Variants in ADAMTS2 observed in about 807,000 individuals in gnomAD.
The protein encoded by ADAMTS2 is ADAM metallopeptidase with thrombospondin type 1 motif 2.
In ADAMTS2, 50 loss-of-function variants were observed where a neutral mutation model predicts 123.0. The ratio of observed to expected loss-of-function variants is 0.41; its 90% confidence interval spans 0.32 to 0.51. The LOEUF (loss-of-function observed/expected upper bound fraction) is 0.51, where lower values mean the gene tolerates loss of function less well. Ranked by LOEUF, ADAMTS2 falls within the 20% of genes least tolerant of loss-of-function variation. The pLI, the probability that ADAMTS2 is intolerant of heterozygous loss-of-function variation, is 0.35. For missense variants in ADAMTS2, 1,494 were observed against 1,705.2 expected, an observed-to-expected ratio of 0.88 and a Z score of 2.18; for synonymous variants, 678 against 695.4, an observed-to-expected ratio of 0.98 and a Z score of 0.39.
chr5:179,196,456 A>G (rs1764433221), intron 4 of ADAMTS2, among the ~76,000 whole-genome samples: 1 of 152,106 alleles, frequency 6.6e-6, no homozygotes. Flanking sequence ...CAGCTGGGAG[A>G]GACTATTCTG....
At chr5:179,270,039 C>T (rs769417528) in intron 3 of ADAMTS2, among the ~76,000 whole-genome samples, 2 of 152,298 alleles carry the variant, frequency 1.3e-5, no homozygotes, top group African/African-American at 4.8e-5. Context: ...CATCCTCTCC[C>T]GGGTGTTGCC....
intron 10 of ADAMTS2, among the ~76,000 whole-genome samples, chr5:179,147,716 G>A (rs1487830793): frequency 6.6e-6 from 1 of 152,022 alleles, no homozygotes; most frequent in Non-Finnish European, 1.5e-5. Flanking sequence ...ACAGAATCAT[G>A]GCAATAAGCC....
In ADAMTS2 at chr5:179,180,981, G is replaced by T; in HGVS notation, c.975+91C>A. The stretch of plus-strand genomic sequence containing the variant: ...GAGAGGCAGGGTGGTTCTGGCAAAC[G>T]CACACACTCTCCAAGGAGGCCCATG... On this transcript the variant is annotated intron_variant, in intron 5 of 21. Coordinates refer to ENST00000251582, the MANE Select transcript of ADAMTS2 (RefSeq NM_014244.5). This position sits in a 1 kb window ranked among gnomAD's most constrained non-coding sequence, Gnocchi z 4.6. 9.9e-7 allele frequency: 1 copy of T among 1,007,744 alleles called. No homozygotes were observed. The highest frequency in any genetic ancestry group is 1.6e-6 in the Non-Finnish European group (1 of 640,684). The allele number at this position is 1,007,744 out of a possible 1,614,324, so 62.4% of individuals were successfully genotyped here. A position where few individuals can be genotyped will look rare whatever the true frequency, so the allele number is the denominator to read the frequency against.
chr5:179,253,594 C>T (rs1404793098), intron 3 of ADAMTS2, among the ~76,000 whole-genome samples: 1 of 151,152 alleles, frequency 6.6e-6, no homozygotes, highest in African/African-American at 2.4e-5. Context: ...TGCAGTGAGC[C>T]GAGATCGAGC....
intron 17 of ADAMTS2, among the ~76,000 whole-genome samples, chr5:179,126,951 C>G: frequency 6.6e-6 from 1 of 152,260 alleles, no homozygotes; most frequent in South Asian, 2.1e-4. Flanking sequence ...GACCTGGGGG[C>G]GAGGCACAGG....
At chr5:179,253,311 T>A (rs1765968804) in intron 3 of ADAMTS2, among the ~76,000 whole-genome samples, 1 of 152,196 alleles carries the variant, frequency 6.6e-6, no homozygotes, top group Non-Finnish European at 1.5e-5. Flanking sequence ...TGTCTTGGTT[T>A]TTCTGTCCTT....
intron 5 of ADAMTS2, among the ~76,000 whole-genome samples, chr5:179,160,482 T>C (rs1175340004): frequency 1.3e-5 from 2 of 152,066 alleles, no homozygotes; most frequent in Admixed American, 6.5e-5. Context: ...CAAAGGGTAT[T>C]GTTAGCAAGC....
At chr5:179,232,106 G>A (rs149009857) in intron 3 of ADAMTS2, among the ~76,000 whole-genome samples, 3 of 152,084 alleles carry the variant, frequency 2.0e-5, no homozygotes, top group African/African-American at 7.2e-5. Flanking sequence ...AAGTAAAATC[G>A]ATGCTCCAGG....
intron 3 of ADAMTS2, among the ~76,000 whole-genome samples, chr5:179,223,462 A>C (rs923904653): frequency 2.0e-5 from 3 of 150,656 alleles, no homozygotes; most frequent in Non-Finnish European, 4.4e-5. Flanking sequence ...ACACTCACAC[A>C]CGAATGCACT....
intron 18 of ADAMTS2, 50 bp downstream of exon 18, chr5:179,125,948 T>G (rs1762848016): frequency 6.2e-7 from 1 of 1,611,312 alleles, no homozygotes; most frequent in African/African-American, 1.3e-5. Flanking sequence ...GAGCCCCTGG[T>G]GGCCCCTGGC....
intron 2 of ADAMTS2, among the ~76,000 whole-genome samples, chr5:179,315,042 C>A (rs1390136147): frequency 1.3e-5 from 2 of 150,864 alleles, no homozygotes; most frequent in Non-Finnish European, 3.0e-5. Flanking sequence ...ACACCCACCC[C>A]CCCCACAATC....
chr5:179,344,309 T>A, intron 1 of ADAMTS2, 148 bp from the exon 2 acceptor site: 1 of 1,036,284 alleles, frequency 9.6e-7, no homozygotes, highest in South Asian at 1.6e-5. Context: ...AGCCTGCACC[T>A]CCCCGGCTTT....
At chr5:179,184,887 G>A (rs752852112) in intron 4 of ADAMTS2, among the ~76,000 whole-genome samples, 4 of 152,318 alleles carry the variant, frequency 2.6e-5, no homozygotes, top group South Asian at 2.1e-4. Context: ...CAGGATCACC[G>A]GCCTCGAGGG....
chr5:179,209,461 C>T (rs554798265), intron 3 of ADAMTS2, among the ~76,000 whole-genome samples: 154 of 152,324 alleles, frequency 1.0e-3, no homozygotes, highest in African/African-American at 3.6e-3. Flanking sequence ...CCAGTACCTT[C>T]GGGGGTCCTT....
chr5:179,280,494 C>T (rs568928039), intron 2 of ADAMTS2, among the ~76,000 whole-genome samples: 5 of 152,334 alleles, frequency 3.3e-5, no homozygotes, highest in South Asian at 2.1e-4. Flanking sequence ...ACCCCGCACA[C>T]GTTGGCAGGT....
chr5:179,156,728 T>C (rs907139245), intron 6 of ADAMTS2, among the ~76,000 whole-genome samples: 6 of 152,204 alleles, frequency 3.9e-5, no homozygotes, highest in African/African-American at 1.4e-4. Context: ...TTCTCTAATT[T>C]TTCATAGAAA....
chr5:179,327,246 A>G (rs1404499220), intron 2 of ADAMTS2, among the ~76,000 whole-genome samples: 1 of 152,184 alleles, frequency 6.6e-6, no homozygotes, highest in East Asian at 1.9e-4. Flanking sequence ...CACAATGGGA[A>G]CCCTGAAGTG....
In ADAMTS2 at chr5:179,185,737, TG is replaced by T. The variant is rs1764159259; in HGVS notation, c.892-4583del. ...CCCTGGGGTGTCAGGCTGCTAGGCG[TG>T]GGCCCCTGGCTGGGGAGCTCCACTG... On this transcript the variant is annotated intron_variant, in intron 4 of 21. Transcript: ENST00000251582. This position sits in a 1 kb window ranked among gnomAD's most constrained non-coding sequence, Gnocchi z 5.9. Among the ~76,000 whole-genome samples the T allele has an allele frequency of 6.6e-6, 1 of 151,976 alleles. No homozygotes were observed. Among genetic ancestry groups the T allele is most frequent in the South Asian group, 2.1e-4 (1 of 4,822 alleles).
At chr5:179,223,976 A>C (rs1337663512) in intron 3 of ADAMTS2, among the ~76,000 whole-genome samples, 1 of 152,246 alleles carries the variant, frequency 6.6e-6, no homozygotes, top group Non-Finnish European at 1.5e-5. Flanking sequence ...CGGGCCAAAA[A>C]CGCCTATTGG....
Sources: gnomAD v4.1 joint callset for allele counts (sites outside exome capture counted in the v4.1 genomes callset) on GRCh38, gnomAD v4.1.1 for gene constraint, Gnocchi (gnomAD v3.1) non-coding constraint, MANE v1.5 for transcripts, NCBI Gene and HGNC (gene_info 2026-07-23, HGNC 2026-07-21) for gene names.